PDE4C: variants seen among roughly 807,000 people sequenced by gnomAD.
PDE4C encodes the protein phosphodiesterase 4C.
In PDE4C, 50 loss-of-function variants were observed where a neutral mutation model predicts 63.9. The observed-to-expected ratio is 0.78, with a 90% confidence interval of 0.62 to 0.99. The LOEUF (loss-of-function observed/expected upper bound fraction) is 0.99, where lower values mean the gene tolerates loss of function less well. Ranked by LOEUF, PDE4C falls within the 50% of genes least tolerant of loss-of-function variation. The pLI is 0.00. For missense variants in PDE4C, 777 were observed against 899.1 expected (o/e 0.86, Z 1.74); for synonymous variants, 377 against 385.1 (o/e 0.98, Z 0.25).
chr19:18,218,343 G>A (rs548964546), exon 10 of PDE4C: 14 of 1,614,224 alleles, frequency 8.7e-6, no homozygotes, highest in South Asian at 3.3e-5. Flanking sequence ...CCTCGAGGGC[G>A]GGCGTAGCCA....
chr19:18,238,283 C>T (rs553852707), upstream of PDE4C, among the ~76,000 whole-genome samples: 135 of 150,296 alleles, frequency 9.0e-4, 1 homozygote, highest in African/African-American at 3.1e-3. Context: ...TCAACCACAT[C>T]GGAGTGCAGT....
chr19:18,238,694 T>G (rs1184535084), intron 1 of PDE4C, among the ~76,000 whole-genome samples: 2 of 152,068 alleles, frequency 1.3e-5, no homozygotes, highest in Non-Finnish European at 2.9e-5. Flanking sequence ...ATATTATTTA[T>G]TAAAATATAA....
intron 7 of PDE4C, 139 bp from the exon 8 acceptor site, chr19:18,219,536 C>T: frequency 2.0e-6 from 2 of 994,684 alleles, no homozygotes; most frequent in East Asian, 2.6e-5. Flanking sequence ...GAGTAAAGAC[C>T]CTGTCGGCCG....
intron 13 of PDE4C, 27 bp downstream of exon 13, chr19:18,213,341 A>C (rs1968046495): frequency 6.4e-7 from 1 of 1,566,346 alleles, no homozygotes; most frequent in African/African-American, 1.4e-5. Context: ...TTAAAAAGGA[A>C]GCCCCAGTGC....
chr19:18,220,305 C>T lies in PDE4C; in HGVS notation c.627G>A (p.Leu209=), dbSNP rs769421069. Reference sequence around the variant, plus strand: ...CGGACAGGTGGGTCAACTCCCGGTTCAGGATCCGCTTGAACTGGGGCGGAG... The same window carrying T: ...CGGACAGGTGGGTCAACTCCCGGTTTAGGATCCGCTTGAACTGGGGCGGAG... Residue 209 remains leucine (L), a synonymous_variant, in exon 7 of 15, where the codon CTG becomes CTA. Coordinates refer to ENST00000262805, the Ensembl canonical transcript of PDE4C. The surrounding 1 kb of genome is among the most constrained non-coding windows in gnomAD (Gnocchi z 5.1). 2 of 1,614,150 alleles carry T rather than the reference C, an allele frequency of 1.2e-6. No individual in the cohort carries two copies. Among genetic ancestry groups the T allele is most frequent in the South Asian group, 1.1e-5 (1 of 91,080 alleles).
chr19:18,219,011 G>T (rs1254109746), exon 9 of PDE4C: 1 of 1,613,402 alleles, frequency 6.2e-7, no homozygotes, highest in Admixed American at 1.7e-5. Flanking sequence ...AACACATCAA[G>T]TCCCCACTTG....
chr19:18,232,929 G>GC (rs1426491390), intron 1 of PDE4C: 1 of 1,427,176 alleles, frequency 7.0e-7, no homozygotes, highest in Non-Finnish European at 9.2e-7. Flanking sequence ...GCTGCAGGAG[G>GC]CCCCTGCCCC....
chr19:18,223,109 C>T (rs1968564124), intron 1 of PDE4C, among the ~76,000 whole-genome samples: 1 of 152,060 alleles, frequency 6.6e-6, no homozygotes, highest in Admixed American at 6.6e-5. Context: ...GGGGAACGAT[C>T]TCGGCTCACT....
rs59840923 is a variant in PDE4C at position 18,212,185 on chromosome 19, A to AT, written c.1513-245dup. On this transcript the variant is annotated intron_variant, in intron 13 of 14. Transcript: ENST00000262805. Reference sequence around the variant, plus strand: ...ATTGCAAAAATGGAGGCCCTCTCCGATTTTTTTTTTTTTAATGAGTTAGGG... The same window carrying AT: ...ATTGCAAAAATGGAGGCCCTCTCCGATTTTTTTTTTTTTTAATGAGTTAGGG... Among the ~76,000 whole-genome samples, 311 of 148,018 alleles carry AT rather than the reference A, an allele frequency of 2.1e-3. 2 individuals carry two copies. Among genetic ancestry groups the AT allele is most frequent in the African/African-American group, 6.2e-3 (249 of 40,272 alleles).
chr19:18,247,779 C>T (rs1179740140), intron 1 of PDE4C, among the ~76,000 whole-genome samples: 2 of 152,148 alleles, frequency 1.3e-5, no homozygotes, highest in Non-Finnish European at 2.9e-5. Context: ...AGCCCAGGTA[C>T]GGCCCTGTGG....
intron 1 of PDE4C, among the ~76,000 whole-genome samples, chr19:18,241,108 G>A (rs1343946490): frequency 2.0e-5 from 3 of 152,064 alleles, no homozygotes; most frequent in East Asian, 3.9e-4. Flanking sequence ...GGCCTCCCTC[G>A]GGAGAGTTCC....
intron 13 of PDE4C, among the ~76,000 whole-genome samples, chr19:18,212,919 C>T (rs1463083098): frequency 6.7e-6 from 1 of 148,586 alleles, no homozygotes; most frequent in Admixed American, 6.7e-5. Context: ...AACTCCTGAC[C>T]TCATGATCTG....
At chr19:18,219,372 G>A in exon 8 of PDE4C, 1 of 1,610,768 alleles carries the variant, frequency 6.2e-7, no homozygotes. Flanking sequence ...CGGTCACCTT[G>A]GGCAGCTCCA....
At chr19:18,238,855 G>A (rs902014507) in intron 1 of PDE4C, among the ~76,000 whole-genome samples, 7 of 151,982 alleles carry the variant, frequency 4.6e-5, no homozygotes, top group Non-Finnish European at 1.0e-4. Context: ...GCCAGGTGTG[G>A]TGGCACACGC....
downstream of PDE4C, chr19:18,208,633 A>C (rs1462170253): frequency 6.6e-6 from 1 of 152,208 alleles, no homozygotes; most frequent in African/African-American, 2.4e-5. Flanking sequence ...CAGGACACTC[A>C]ATTTGGTCAA....
exon 2 of PDE4C, chr19:18,222,172 G>A (rs373560603): frequency 1.2e-6 from 2 of 1,613,888 alleles, no homozygotes; most frequent in African/African-American, 2.7e-5. Flanking sequence ...ATGGCCTTGG[G>A]CGAGAGTTCA....
intron 12 of PDE4C, among the ~76,000 whole-genome samples, chr19:18,213,792 G>T (rs768927337): frequency 2.0e-5 from 3 of 152,216 alleles, no homozygotes; most frequent in Non-Finnish European, 4.4e-5. Context: ...CCCACAGTGG[G>T]TGGGCATTGT....
Position 18,220,266 on chromosome 19 carries a change from G to A in PDE4C, c.666C>T (p.Ser222=), listed in dbSNP as rs1296504465. The A allele has an allele frequency of 1.2e-6, 2 of 1,613,950 alleles. No homozygotes were observed. Among genetic ancestry groups the A allele is most frequent in the Non-Finnish European group, 1.7e-6 (2 of 1,180,042 alleles). ...AGATGTACTCGGACACCTGGTTCCC[G>A]GAGCGGCTGGTTTCGGACAGGTGGG... Residue 222 remains serine (S), a synonymous_variant, in exon 7 of 15, where the codon TCC becomes TCT. Coordinates refer to ENST00000262805, the Ensembl canonical transcript of PDE4C. The surrounding 1 kb of genome is among the most constrained non-coding windows in gnomAD (Gnocchi z 5.1).
chr19:18,221,204 G>A (rs779024503), intron 3 of PDE4C, 26 bp from the exon 4 acceptor site: 39 of 1,565,458 alleles, frequency 2.5e-5, no homozygotes, highest in Non-Finnish European at 1.4e-5. Context: ...GGTAGGCGGT[G>A]GGAAGGAGAG....
Sources: gnomAD v4.1 joint callset for allele counts (sites outside exome capture counted in the v4.1 genomes callset) on GRCh38, gnomAD v4.1.1 for gene constraint, Gnocchi (gnomAD v3.1) non-coding constraint, MANE v1.5 for transcripts, NCBI Gene and HGNC (gene_info 2026-07-23, HGNC 2026-07-21) for gene names.